Variants in NTRK3 observed in about 807,000 individuals in gnomAD.
The protein encoded by NTRK3 is NT-3 growth factor receptor.
A neutral mutation model predicts 91.7 loss-of-function variants in NTRK3; 24 were observed. The observed-to-expected ratio is 0.26, with a 90% confidence interval of 0.19 to 0.37. NTRK3 has a LOEUF of 0.37. Among genes scored for constraint, NTRK3 ranks in the 10% least tolerant of loss-of-function variants. The probability of loss-of-function intolerance (pLI) is 1.00; values close to 1 mark genes in which losing one functional copy is unlikely to be tolerated. For missense variants in NTRK3, 880 were observed against 1,068.9 expected, an observed-to-expected ratio of 0.82 and a Z score of 2.46; for synonymous variants, 483 against 404.0, an observed-to-expected ratio of 1.20 and a Z score of -2.34.
At chr15:88,100,626 C>T (rs561569150) in intron 13 of NTRK3, among the ~76,000 whole-genome samples, 6 of 152,178 alleles carry the variant, frequency 3.9e-5, no homozygotes, top group Non-Finnish European at 7.3e-5. Context: ...GGGTACTGAC[C>T]TTTCAGGCAA....
chr15:87,977,310 T>G (rs2073811978), intron 14 of NTRK3: 1 of 180,150 alleles, frequency 5.6e-6, no homozygotes, highest in Admixed American at 6.3e-5. Flanking sequence ...ACCTGGAATT[T>G]CTGTATTTTG....
At chr15:87,899,895 G>A (rs1388490156) in intron 17 of NTRK3, among the ~76,000 whole-genome samples, 2 of 152,136 alleles carry the variant, frequency 1.3e-5, no homozygotes, top group Non-Finnish European at 2.9e-5. Flanking sequence ...GCAAGGAGAA[G>A]GTGGAAACAA....
At chr15:87,985,639 G>A (rs1211804172) in intron 14 of NTRK3, among the ~76,000 whole-genome samples, 4 of 152,120 alleles carry the variant, frequency 2.6e-5, no homozygotes, top group Admixed American at 2.6e-4. Context: ...TTCCAGCTGT[G>A]TGCAGATGCT....
chr15:88,084,506 C>G (rs1162695196), intron 13 of NTRK3, among the ~76,000 whole-genome samples: 1 of 152,192 alleles, frequency 6.6e-6, no homozygotes, highest in African/African-American at 2.4e-5. Flanking sequence ...CAAGCAGGTT[C>G]CTCTGGAAAT....
At chr15:88,228,501 G>T (rs1354830431) in intron 3 of NTRK3, among the ~76,000 whole-genome samples, 1 of 152,174 alleles carries the variant, frequency 6.6e-6, no homozygotes, top group Non-Finnish European at 1.5e-5. Flanking sequence ...TCTGGGAGCT[G>T]TGGTAATTGC....
intron 13 of NTRK3, among the ~76,000 whole-genome samples, chr15:88,124,544 G>C (rs1281674337): frequency 6.6e-6 from 1 of 152,196 alleles, no homozygotes; most frequent in East Asian, 1.9e-4. Flanking sequence ...TCAAGGCCCT[G>C]ATGTTTTCTC....
At chr15:87,918,612 T>C (rs1429607262) in intron 17 of NTRK3, among the ~76,000 whole-genome samples, 1 of 152,242 alleles carries the variant, frequency 6.6e-6, no homozygotes, top group Non-Finnish European at 1.5e-5. Flanking sequence ...CTGCCTTTTA[T>C]ACAATTTGCC....
At chr15:88,127,579 C>G (rs1158588838) in intron 11 of NTRK3, among the ~76,000 whole-genome samples, 1 of 152,212 alleles carries the variant, frequency 6.6e-6, no homozygotes, top group Non-Finnish European at 1.5e-5. Context: ...GGATCCTGGC[C>G]AGGGTCTGGA....
intron 13 of NTRK3, among the ~76,000 whole-genome samples, chr15:88,088,686 T>C (rs1227984069): frequency 6.6e-6 from 1 of 152,228 alleles, no homozygotes; most frequent in Non-Finnish European, 1.5e-5. Flanking sequence ...GTGCAGAAGC[T>C]GTCAGACCAA....
At chr15:88,112,341 A>G (rs1476173621) in intron 13 of NTRK3, among the ~76,000 whole-genome samples, 1 of 152,244 alleles carries the variant, frequency 6.6e-6, no homozygotes. Flanking sequence ...TCTTTATAAC[A>G]GTTACCTCAC....
exon 14 of NTRK3, chr15:88,032,986 G>A (rs752483865): frequency 1.9e-6 from 3 of 1,610,066 alleles, no homozygotes; most frequent in Non-Finnish European, 8.5e-7. Flanking sequence ...GTGATGCCGT[G>A]GTTGATGTGG....
chr15:87,869,768 A>T (rs1227910653), exon 19 of NTRK3: 1 of 202,162 alleles, frequency 4.9e-6, no homozygotes, highest in African/African-American at 2.3e-5. Context: ...CTCCAGAGGT[A>T]GGCTCAGAGG....
At chr15:88,110,155 A>G (rs1404153716) in intron 13 of NTRK3, among the ~76,000 whole-genome samples, 4 of 152,108 alleles carry the variant, frequency 2.6e-5, no homozygotes, top group Admixed American at 1.3e-4. Flanking sequence ...TGACTGGGGA[A>G]GAAATCTTAG....
intron 14 of NTRK3, among the ~76,000 whole-genome samples, chr15:88,022,751 G>C (rs144388700): frequency 6.6e-6 from 1 of 151,832 alleles, no homozygotes; most frequent in Non-Finnish European, 1.5e-5. Flanking sequence ...TCCCCTCCTC[G>C]ACCATGAAGT....
intron 14 of NTRK3, among the ~76,000 whole-genome samples, chr15:88,013,471 C>T (rs531395395): frequency 6.6e-6 from 1 of 152,168 alleles, no homozygotes; most frequent in Non-Finnish European, 1.5e-5. Context: ...CAAGAAGAGT[C>T]CCAGTGTGCT....
At chr15:88,171,576 T>G (rs528546217) in intron 5 of NTRK3, among the ~76,000 whole-genome samples, 1 of 152,308 alleles carries the variant, frequency 6.6e-6, no homozygotes, top group African/African-American at 2.4e-5. Context: ...GACATGCCAT[T>G]TACTGAGTAC....
intron 13 of NTRK3, among the ~76,000 whole-genome samples, chr15:88,077,164 C>T (rs2047623474): frequency 6.6e-6 from 1 of 152,036 alleles, no homozygotes; most frequent in East Asian, 1.9e-4. Context: ...AAGGAATGGA[C>T]AGTTGGATGG....
intron 13 of NTRK3, among the ~76,000 whole-genome samples, chr15:88,040,760 G>T (rs1295999605): frequency 6.6e-6 from 1 of 152,014 alleles, no homozygotes; most frequent in Non-Finnish European, 1.5e-5. Context: ...AGGATGCTGG[G>T]ATCCCTGTGG....
At chr15:87,990,358 C>T (rs1458114165) in intron 14 of NTRK3, among the ~76,000 whole-genome samples, 3 of 152,194 alleles carry the variant, frequency 2.0e-5, no homozygotes, top group Non-Finnish European at 4.4e-5. Flanking sequence ...CTGCAGATAC[C>T]CTCCAGAGCT....
Sources: allele counts gnomAD v4.1 joint callset (sites outside exome capture counted in the v4.1 genomes callset), GRCh38; gene constraint gnomAD v4.1.1; transcripts MANE v1.5; gene names NCBI Gene and HGNC (gene_info 2026-07-23, HGNC 2026-07-21).